Variants in DOK6 observed in about 807,000 individuals in gnomAD.
DOK6 encodes the protein docking protein 6.
A neutral mutation model predicts 44.0 loss-of-function variants in DOK6; 22 were observed. That is an observed-to-expected ratio of 0.50 (90% CI 0.36 to 0.71). The LOEUF (loss-of-function observed/expected upper bound fraction) is 0.71. Ranked by LOEUF, DOK6 falls within the 30% of genes least tolerant of loss-of-function variation. The pLI is 0.00. For missense variants in DOK6, 340 were observed against 416.4 expected (o/e 0.82, Z 1.60); for synonymous variants, 166 against 145.5 (o/e 1.14, Z -1.01).
chr18:69,694,171 G>A (rs1400137065), intron 4 of DOK6, among the ~76,000 whole-genome samples: 4 of 147,986 alleles, frequency 2.7e-5, no homozygotes, highest in African/African-American at 1.0e-4. Flanking sequence ...GTCCCCTCTC[G>A]TTCCACCTGG....
At chr18:69,562,312 C>T (rs17062089) in intron 1 of DOK6, among the ~76,000 whole-genome samples, 1,627 of 151,650 alleles carry the variant, frequency 0.011, 12 homozygotes, top group Non-Finnish European at 0.017. Flanking sequence ...AAGATTCAGA[C>T]GTGTCAGGTT....
At chr18:69,507,182 C>T (rs930723998) in intron 1 of DOK6, among the ~76,000 whole-genome samples, 5 of 151,996 alleles carry the variant, frequency 3.3e-5, no homozygotes, top group Non-Finnish European at 5.9e-5. Flanking sequence ...CGCGTGCCAC[C>T]GTGGCTTGCT....
chr18:69,760,260 G>A (rs1347038160), intron 7 of DOK6, among the ~76,000 whole-genome samples: 1 of 152,116 alleles, frequency 6.6e-6, no homozygotes, highest in Non-Finnish European at 1.5e-5. Context: ...TGAAAATAAG[G>A]AAGAAATAAA....
At chr18:69,682,020 A>G (rs1195909018) in intron 4 of DOK6, among the ~76,000 whole-genome samples, 1 of 152,310 alleles carries the variant, frequency 6.6e-6, no homozygotes, top group African/African-American at 2.4e-5. Context: ...TCTGCTCATG[A>G]GTGGGCTACA....
intron 7 of DOK6, among the ~76,000 whole-genome samples, chr18:69,819,272 G>A (rs1489362676): frequency 6.6e-6 from 1 of 152,122 alleles, no homozygotes; most frequent in Non-Finnish European, 1.5e-5. Context: ...TGGATGAAGA[G>A]TATGCATACA....
At chr18:69,509,555 G>A (rs929193764) in intron 1 of DOK6, among the ~76,000 whole-genome samples, 28 of 147,980 alleles carry the variant, frequency 1.9e-4, no homozygotes, top group Non-Finnish European at 3.4e-4. Flanking sequence ...GGAGAATGGC[G>A]TGAACCCGGG....
intron 4 of DOK6, among the ~76,000 whole-genome samples, chr18:69,698,036 C>A (rs984846556): frequency 6.6e-6 from 1 of 152,190 alleles, no homozygotes; most frequent in Admixed American, 6.5e-5. Context: ...TCGCTGGAAT[C>A]GTATCTGTGA....
intron 3 of DOK6, among the ~76,000 whole-genome samples, chr18:69,672,721 G>A (rs1164530250): frequency 6.7e-6 from 1 of 148,244 alleles, no homozygotes; most frequent in Non-Finnish European, 1.5e-5. Flanking sequence ...GGGGGTGGGG[G>A]CGGTGGGGAA....
chr18:69,678,979 A>G (rs1274199919), intron 4 of DOK6, among the ~76,000 whole-genome samples: 1 of 152,140 alleles, frequency 6.6e-6, no homozygotes, highest in African/African-American at 2.4e-5. Context: ...GAAGTTCAAG[A>G]CCAGCTTGCA....
intron 5 of DOK6, among the ~76,000 whole-genome samples, chr18:69,708,541 C>A (rs1349306471): frequency 6.6e-6 from 1 of 152,104 alleles, no homozygotes; most frequent in Non-Finnish European, 1.5e-5. Context: ...AATCCCAGCT[C>A]TTTGGGAGGC....
intron 5 of DOK6, among the ~76,000 whole-genome samples, chr18:69,738,439 GAAT>G (rs1394191909): frequency 6.6e-6 from 1 of 152,012 alleles, no homozygotes; most frequent in Non-Finnish European, 1.5e-5. Context: ...TAATCCTATT[GAAT>G]AACAACTTGT....
intron 3 of DOK6, among the ~76,000 whole-genome samples, chr18:69,640,547 C>A (rs1984915638): frequency 6.6e-6 from 1 of 152,124 alleles, no homozygotes; most frequent in Non-Finnish European, 1.5e-5. Context: ...CTGCTTGTAG[C>A]AGAAGCTTAA....
intron 1 of DOK6, among the ~76,000 whole-genome samples, chr18:69,550,777 C>CTTTTTTTTTTTTT (rs10538639): frequency 1.6e-5 from 2 of 121,436 alleles, no homozygotes; most frequent in Non-Finnish European, 1.7e-5. Context: ...TTGTTTCTTT[C>CTTTTTTTTTTTTT]TTTTTTTTTT....
rs1179318783 is a variant in DOK6, at chr18:69,547,200, A to G, written c.67-17287A>G. ...ACTGCAACCTCTGCCTCCTGTGTTC[A>G]AGCAATTCTCTTGCTTCAGCCTCCT... On this transcript the variant is annotated intron_variant, in intron 1 of 7. Transcript: ENST00000382713. Among the ~76,000 whole-genome samples the G allele has an allele frequency of 6.6e-5, 10 of 151,656 alleles. No homozygotes were observed. The East Asian group carries it at 1.9e-3, about 29-fold the overall frequency.
intron 1 of DOK6, among the ~76,000 whole-genome samples, chr18:69,422,574 C>T (rs1311015826): frequency 6.6e-6 from 1 of 152,160 alleles, no homozygotes; most frequent in African/African-American, 2.4e-5. Context: ...TTGTCTTTAT[C>T]TCAATGAGAA....
chr18:69,480,344 T>C (rs1980383556), intron 1 of DOK6, among the ~76,000 whole-genome samples: 1 of 152,166 alleles, frequency 6.6e-6, no homozygotes, highest in Admixed American at 6.6e-5. Context: ...CATTTTGATA[T>C]GATAAAATGA....
Position 69,587,101 on chromosome 18 carries a change from C to T in DOK6, c.175-12283C>T, listed in dbSNP as rs759605443. Among the ~76,000 whole-genome samples the T allele has an allele frequency of 4.3e-4, 66 of 152,072 alleles. 1 individual carries two copies. The highest frequency in any genetic ancestry group is 1.3e-3 in the African/African-American group (52 of 41,394). The stretch of plus-strand genomic sequence containing the variant: ...ATGTAATAACTAACTCTAATACAGA[C>T]GGCACTGCTTATCTTCTCATAATCT... On this transcript the variant is annotated intron_variant, in intron 2 of 7. Transcript: ENST00000382713.
At chr18:69,617,726 A>AT (rs1377399642) in intron 3 of DOK6, among the ~76,000 whole-genome samples, 3 of 115,952 alleles carry the variant, frequency 2.6e-5, no homozygotes, top group African/African-American at 5.8e-5. Context: ...AAAGAAAGAA[A>AT]AAAGGGGGAA....
intron 7 of DOK6, among the ~76,000 whole-genome samples, chr18:69,830,993 T>G (rs944813882): frequency 6.6e-6 from 1 of 152,098 alleles, no homozygotes; most frequent in South Asian, 2.1e-4. Flanking sequence ...TCCAGAGAAA[T>G]AGAACCAGTA....
Sources: gnomAD v4.1 joint callset for allele counts (sites outside exome capture counted in the v4.1 genomes callset) on GRCh38, gnomAD v4.1.1 for gene constraint, MANE v1.5 for transcripts, NCBI Gene and HGNC (gene_info 2026-07-23, HGNC 2026-07-21) for gene names.